FRMPD4: variants seen among roughly 807,000 people sequenced by gnomAD.
The protein encoded by FRMPD4 is FERM and PDZ domain-containing protein 4.
In FRMPD4, 22 loss-of-function variants were observed where a neutral mutation model predicts 94.1. The observed-to-expected ratio is 0.23, with a 90% CI of 0.17 to 0.33. The LOEUF is 0.33. Among genes scored for constraint, FRMPD4 ranks in the 10% least tolerant of loss-of-function variants. FRMPD4 has a pLI of 1.00. For synonymous variants in FRMPD4, 631 were observed against 548.6 expected (o/e 1.15, Z -2.10); for missense variants, 1,111 against 1,339.9 (o/e 0.83, Z 2.67).
intron 3 of FRMPD4, among the ~76,000 whole-genome samples, chrX:12,044,749 A>G (rs2054776285): frequency 8.9e-6 from 1 of 112,313 alleles, no homozygotes; most frequent in Non-Finnish European, 1.9e-5. Context: ...TATTAGATCA[A>G]TAATACATAG....
intron 1 of FRMPD4, among the ~76,000 whole-genome samples, chrX:12,259,608 A>G (rs2054163618): frequency 8.9e-6 from 1 of 111,748 alleles, no homozygotes; most frequent in African/African-American, 3.2e-5. Flanking sequence ...ACTTTGTTAC[A>G]CAGTTCTAGG....
At chrX:12,539,037 G>A (rs1345444374) in intron 2 of FRMPD4, among the ~76,000 whole-genome samples, 1 of 110,926 alleles carries the variant, frequency 9.0e-6, no homozygotes, top group Non-Finnish European at 1.9e-5. Flanking sequence ...TAAAAACTTT[G>A]AAAAAAAATT....
Position 11,828,100 on chromosome X carries a change from T to C in FRMPD4, c.-161+5385T>C, listed in dbSNP as rs377211105. The stretch of plus-strand genomic sequence containing the variant: ...GCCAACTGTGTTATCCCCATTAAAA[T>C]TGCCTTCCTGGAAGTCACCATTTGT... On this transcript the variant is annotated intron_variant, in intron 1 of 18. Coordinates refer to the FRMPD4 transcript ENST00000640291. Among the ~76,000 whole-genome samples, 18 of 112,249 alleles carry C rather than the reference T, an allele frequency of 1.6e-4. No individual in the cohort carries two copies. In the East Asian group the frequency reaches 4.5e-3, roughly 28 times the overall value.
intron 1 of FRMPD4, among the ~76,000 whole-genome samples, chrX:12,193,772 AAGG>A (rs1200704953): frequency 7.9e-5 from 1 of 12,638 alleles, no homozygotes; most frequent in Non-Finnish European, 1.2e-4. Context: ...GAAAGAAAGA[AAGG>A]AAGGAAGGAA....
chrX:12,542,931 A>G (rs769774534), intron 2 of FRMPD4, among the ~76,000 whole-genome samples: 405 of 111,707 alleles, frequency 3.6e-3, no homozygotes, highest in Middle Eastern at 0.014. Flanking sequence ...CAGAAATAAT[A>G]CCACACATCT....
At chrX:12,563,756 G>A (rs1602137221) in intron 2 of FRMPD4, among the ~76,000 whole-genome samples, 1 of 112,167 alleles carries the variant, frequency 8.9e-6, no homozygotes, top group East Asian at 2.8e-4. Flanking sequence ...GACTGGTCTG[G>A]AATGCTTCCA....
At chrX:11,980,029 T>G (rs6530471) in intron 3 of FRMPD4, among the ~76,000 whole-genome samples, 46 of 111,425 alleles carry the variant, frequency 4.1e-4, no homozygotes, top group African/African-American at 1.3e-3. Context: ...ACGCTCATGC[T>G]TGTGTGTGTA....
chrX:12,469,312 C>T (rs1400691320), intron 1 of FRMPD4, among the ~76,000 whole-genome samples: 9 of 111,052 alleles, frequency 8.1e-5, no homozygotes, highest in Non-Finnish European at 1.7e-4. Context: ...TGCAATGGCG[C>T]GATCTCAGCT....
chrX:12,005,640 C>T (rs2054548344), intron 3 of FRMPD4, among the ~76,000 whole-genome samples: 1 of 112,141 alleles, frequency 8.9e-6, no homozygotes. Context: ...GAGCCCTCAG[C>T]AAATGCATTA....
At position 12,558,797 on chromosome X, in the gene FRMPD4, G is replaced by A. The variant is rs138738619; in HGVS notation, c.159-50924G>A. ...GGCCTATATTTCCAGCTATTTGGGA[G>A]GCTAAGGCAGAAGGATTGTGTGAGG... On this transcript the variant is annotated intron_variant, in intron 2 of 16. Coordinates refer to ENST00000675598, the MANE Select transcript of FRMPD4 (RefSeq NM_001368397.1). 3.9e-3 allele frequency among the ~76,000 whole-genome samples: 436 copies of A among 111,984 alleles called. 5 individuals carry two copies. The highest frequency in any genetic ancestry group is 0.014 in the African/African-American group (417 of 30,850).
intron 3 of FRMPD4, among the ~76,000 whole-genome samples, chrX:12,611,878 TA>T (rs35631024): frequency 1.3e-3 from 129 of 97,120 alleles, no homozygotes; most frequent in African/African-American, 3.3e-3. Context: ...ACATGCTTTG[TA>T]AAAAAAAAAA....
intron 2 of FRMPD4, among the ~76,000 whole-genome samples, chrX:12,551,202 A>G (rs1378632153): frequency 9.0e-6 from 1 of 111,094 alleles, no homozygotes; most frequent in Non-Finnish European, 1.9e-5. Flanking sequence ...ATGAGAGAAG[A>G]GTACACTGAA....
chrX:12,511,964 A>G (rs73192457), intron 2 of FRMPD4, among the ~76,000 whole-genome samples: 6,097 of 112,036 alleles, frequency 0.054, 199 homozygotes, highest in East Asian at 0.18. Flanking sequence ...GATAACTTAC[A>G]GGCCAGAAGG....
intron 2 of FRMPD4, among the ~76,000 whole-genome samples, chrX:12,601,239 T>C (rs1170832494): frequency 8.9e-6 from 1 of 112,236 alleles, no homozygotes; most frequent in Non-Finnish European, 1.9e-5. Context: ...GCCTGTGGAA[T>C]TGATTAGCGG....
chrX:12,609,749 G>A lies in FRMPD4; in HGVS notation c.187G>A (p.Asp63Asn). The change falls in exon 3 of 17, where the codon GAC becomes AAC. Residue 63 changes from aspartate (D) to asparagine (N), a missense_variant. Around this residue, in one of 8 missense-constraint regions of FRMPD4, gnomAD observed 140 missense variants for 165.9 expected, o/e 0.84. Coordinates refer to ENST00000675598, the MANE Select transcript of FRMPD4 (RefSeq NM_001368397.1). The stretch of plus-strand genomic sequence containing the variant: ...CATGACACAGGCAATCCCTTTTGAC[G>A]ACCCTCGGTTAGAGAGCTGCCAAAT... The part of the protein sequence containing the change: ...NHMTQAIPFD[D>N]PRLESCQIIP... 4.1e-6 allele frequency: 5 copies of A among 1,208,812 alleles called. No homozygotes were observed. The highest frequency in any genetic ancestry group is 2.2e-5 in the Admixed American group (1 of 46,082).
intron 2 of FRMPD4, among the ~76,000 whole-genome samples, chrX:12,546,788 C>T (rs1353271778): frequency 9.1e-6 from 1 of 109,757 alleles, no homozygotes; most frequent in Non-Finnish European, 1.9e-5. Flanking sequence ...GATGAATCCA[C>T]CCAGCAAACG....
intron 3 of FRMPD4, among the ~76,000 whole-genome samples, chrX:11,991,001 T>C (rs201333579): frequency 8.9e-6 from 1 of 112,059 alleles, no homozygotes; most frequent in East Asian, 2.8e-4. Flanking sequence ...GCTTAGCTCC[T>C]AGAGGCCATC....
chrX:12,458,300 T>A (rs2057355662), intron 1 of FRMPD4, among the ~76,000 whole-genome samples: 1 of 112,051 alleles, frequency 8.9e-6, no homozygotes, highest in Admixed American at 9.5e-5. Flanking sequence ...GTAATAAATC[T>A]TAACCATGAG....
intron 2 of FRMPD4, among the ~76,000 whole-genome samples, chrX:12,592,660 A>T (rs1182068970): frequency 8.9e-6 from 1 of 111,806 alleles, no homozygotes; most frequent in Admixed American, 9.4e-5. Context: ...TTCCATAGTT[A>T]GTCTTTAATA....
Sources: allele counts gnomAD v4.1 joint callset (sites outside exome capture counted in the v4.1 genomes callset), GRCh38; gene constraint gnomAD v4.1.1; regional missense constraint gnomAD v4.1.1; transcripts MANE v1.5; gene names NCBI Gene and HGNC (gene_info 2026-07-23, HGNC 2026-07-21).